Variants in HS6ST2 observed in about 807,000 individuals in gnomAD.
The protein encoded by HS6ST2 is heparan sulfate 6-O-sulfotransferase 2.
A neutral mutation model predicts 33.0 loss-of-function variants in HS6ST2; 17 were observed. The observed-to-expected ratio is 0.52, with a 90% confidence interval of 0.35 to 0.77. The LOEUF is 0.77. Ranked by LOEUF, HS6ST2 falls within the 30% of genes least tolerant of loss-of-function variation. HS6ST2 has a pLI of 0.01. For synonymous variants in HS6ST2, 248 were observed against 237.1 expected, an observed-to-expected ratio of 1.05 and a Z score of -0.42; for missense variants, 519 against 551.7, an observed-to-expected ratio of 0.94 and a Z score of 0.59.
intron 4 of HS6ST2, among the ~76,000 whole-genome samples, chrX:132,657,250 G>T (rs1031463216): frequency 1.8e-5 from 2 of 111,513 alleles, no homozygotes; most frequent in Non-Finnish European, 3.8e-5. Context: ...ACCACCAAGT[G>T]GGGGAATAGA....
At chrX:132,634,118 G>A (rs2063537529) in intron 4 of HS6ST2, among the ~76,000 whole-genome samples, 1 of 112,278 alleles carries the variant, frequency 8.9e-6, no homozygotes, top group East Asian at 2.8e-4. Context: ...GGAAATCTAA[G>A]CCTGTCAAAA....
At chrX:132,917,463 G>C (rs1297545854) in intron 2 of HS6ST2, among the ~76,000 whole-genome samples, 3 of 110,771 alleles carry the variant, frequency 2.7e-5, no homozygotes, top group Non-Finnish European at 3.8e-5. Flanking sequence ...AGCGGGGCAT[G>C]GTGGTGTGTG....
At chrX:132,774,901 G>A (rs1385304042) in intron 2 of HS6ST2, among the ~76,000 whole-genome samples, 2 of 110,432 alleles carry the variant, frequency 1.8e-5, no homozygotes, top group African/African-American at 3.3e-5. Context: ...GGCTGGTCTC[G>A]AGCTTCTGAC....
chrX:132,866,249 T>G (rs905407561), intron 2 of HS6ST2, among the ~76,000 whole-genome samples: 1 of 111,546 alleles, frequency 9.0e-6, no homozygotes, highest in Non-Finnish European at 1.9e-5. Flanking sequence ...CCTTTCCCCA[T>G]TGTTTGTTTT....
chrX:132,957,168 G>A lies in HS6ST2; in HGVS notation c.587C>T (p.Ser196Leu). 8.3e-7 allele frequency: 1 copy of A among 1,211,762 alleles called. No individual in the cohort carries two copies. The highest frequency in any genetic ancestry group is 1.8e-5 in the South Asian group (1 of 56,967). ...GAACCTGGCGGAGCTCTCATCCTCC[G>A]AGCGGTACGGGTCCGGCACCGGGGA... ...FSSPVPDPYR[S>L]EDESSARFVP... is the part of the protein sequence containing the mutation. Residue 196 changes from serine (S) to leucine (L), a missense_variant, in exon 2 of 5, where the codon TCG becomes TTG. By Grantham distance (145) the Ser-to-Leu change is moderately radical. Transcript: ENST00000370833.
At chrX:132,878,706 A>G (rs1190590449) in intron 2 of HS6ST2, among the ~76,000 whole-genome samples, 2 of 112,206 alleles carry the variant, frequency 1.8e-5, no homozygotes, top group Non-Finnish European at 3.8e-5. Context: ...TACTTTTAAA[A>G]AGTAAGATCA....
intron 2 of HS6ST2, among the ~76,000 whole-genome samples, chrX:132,722,960 C>G (rs1254872143): frequency 9.2e-6 from 1 of 108,188 alleles, no homozygotes; most frequent in Non-Finnish European, 1.9e-5. Flanking sequence ...AGAAAAGATC[C>G]AAATAAATAA....
At chrX:132,637,196 C>T (rs1043341155) in intron 4 of HS6ST2, among the ~76,000 whole-genome samples, 5 of 112,436 alleles carry the variant, frequency 4.4e-5, no homozygotes, top group African/African-American at 1.6e-4. Flanking sequence ...CAGGTCCACT[C>T]ACTGAATCTG....
At chrX:132,710,494 T>C in intron 2 of HS6ST2, among the ~76,000 whole-genome samples, 1 of 111,302 alleles carries the variant, frequency 9.0e-6, no homozygotes, top group Non-Finnish European at 1.9e-5. Flanking sequence ...AATCCCTGAC[T>C]CTACAGAGTT....
chrX:132,805,380 G>C (rs1482011698), intron 2 of HS6ST2, among the ~76,000 whole-genome samples: 1 of 111,419 alleles, frequency 9.0e-6, no homozygotes, highest in Non-Finnish European at 1.9e-5. Flanking sequence ...TCTCGGGTCT[G>C]AGAGATTTTC....
intron 2 of HS6ST2, among the ~76,000 whole-genome samples, chrX:132,902,401 C>A (rs1351383515): frequency 8.9e-6 from 1 of 112,408 alleles, no homozygotes; most frequent in Non-Finnish European, 1.9e-5. Context: ...GTGCACCAGG[C>A]CAGATAACAC....
rs201367227 is a variant in HS6ST2 at position 132,628,958 on chromosome X, C to A, written c.1203G>T (p.Leu401=). The part of the protein sequence containing the change: ...CDGRPPTSEE[L]PSCYTGDDWS... ...AGTCATCGCCAGTGTAGCAGCTGGG[C>A]AGCTCTTCGGAGGTTGGAGGCCTTC... is the stretch of plus-strand genomic sequence containing the variant. The change falls in exon 5 of 5, where the codon CTG becomes CTT. Residue 401 remains leucine, a synonymous_variant. Transcript: ENST00000370833. 91 of 1,208,982 alleles carry A rather than the reference C, an allele frequency of 7.5e-5. No individual in the cohort carries two copies. The East Asian group carries it at 2.6e-3, about 35-fold the overall frequency.
intron 3 of HS6ST2, among the ~76,000 whole-genome samples, chrX:132,700,603 A>G (rs2064136916): frequency 1.8e-5 from 2 of 109,727 alleles, no homozygotes; most frequent in South Asian, 8.1e-4. Flanking sequence ...AACTAATGGA[A>G]AACATTAGAG....
At chrX:132,914,951 A>G (rs1397094425) in intron 2 of HS6ST2, among the ~76,000 whole-genome samples, 3 of 112,885 alleles carry the variant, frequency 2.7e-5, no homozygotes, top group Non-Finnish European at 1.9e-5. Flanking sequence ...TTTTAAAAGG[A>G]AAGATGTATT....
chrX:132,665,748 A>T (rs2063804557), intron 4 of HS6ST2, among the ~76,000 whole-genome samples: 1 of 83,646 alleles, frequency 1.2e-5, no homozygotes, highest in African/African-American at 6.1e-5. Flanking sequence ...TTCTGCACTG[A>T]AGTTTTTTTT....
At chrX:132,679,138 T>A (rs1432783230) in intron 3 of HS6ST2, among the ~76,000 whole-genome samples, 1 of 111,666 alleles carries the variant, frequency 9.0e-6, no homozygotes, top group Admixed American at 9.5e-5. Flanking sequence ...CACCACGGAG[T>A]ACAGAACAAG....
At chrX:132,642,766 G>A (rs778313740) in intron 4 of HS6ST2, among the ~76,000 whole-genome samples, 2 of 112,400 alleles carry the variant, frequency 1.8e-5, no homozygotes, top group African/African-American at 3.2e-5. Context: ...ACAGGAAGGA[G>A]GACTGAAGAC....
Position 132,770,415 on chromosome X carries a change from C to T in HS6ST2, c.948-61921G>A, listed in dbSNP as rs139673455. 3.1e-3 allele frequency among the ~76,000 whole-genome samples: 344 copies of T among 111,933 alleles called. 1 individual carries two copies. The highest frequency in any genetic ancestry group is 0.011 in the African/African-American group (326 of 30,827). On this transcript the variant is annotated intron_variant, in intron 2 of 4. Coordinates refer to ENST00000370833, the MANE Select transcript of HS6ST2 (RefSeq NM_001394073.1). ...TCACTCATAGCACCTAACTCAAGCT[C>T]TGACACATAACAGAGAATTAATAAA...
At chrX:132,698,835 A>G (rs1046538338) in intron 3 of HS6ST2, among the ~76,000 whole-genome samples, 2 of 112,059 alleles carry the variant, frequency 1.8e-5, no homozygotes, top group Non-Finnish European at 3.8e-5. Context: ...ATCTGCCACC[A>G]GAATATAAGC....
Sources: allele counts gnomAD v4.1 joint callset (sites outside exome capture counted in the v4.1 genomes callset), GRCh38; gene constraint gnomAD v4.1.1; transcripts MANE v1.5; gene names NCBI Gene and HGNC (gene_info 2026-07-23, HGNC 2026-07-21).